MYBPC3: variants seen among roughly 807,000 people sequenced by gnomAD.
MYBPC3 encodes myosin binding protein C3.
Under a neutral mutation model 159.3 loss-of-function variants are expected in MYBPC3, and 108 were observed. That is an observed-to-expected ratio of 0.68 (90% confidence interval 0.58 to 0.80). MYBPC3 has a LOEUF of 0.80. Among genes scored for constraint, MYBPC3 ranks in the 30% least tolerant of loss-of-function variants. The pLI, the probability that MYBPC3 is intolerant of heterozygous loss-of-function variation, is 0.00. For missense variants in MYBPC3, 1,631 were observed against 1,762.1 expected, an observed-to-expected ratio of 0.93 and a Z score of 1.33; for synonymous variants, 730 against 702.0, an observed-to-expected ratio of 1.04 and a Z score of -0.63.
At chr11:47,350,163 A>C in intron 3 of MYBPC3, 51 bp from the exon 4 acceptor site, 2 of 1,523,988 alleles carry the variant, frequency 1.3e-6, no homozygotes, top group South Asian at 1.2e-5. Flanking sequence ...TTGCTCTGTC[A>C]CCCAGGCTGG....
At chr11:47,331,808 C>T in intron 34 of MYBPC3, 37 bp downstream of exon 34, 2 of 1,575,370 alleles carry the variant, frequency 1.3e-6, no homozygotes, top group Non-Finnish European at 1.7e-6. Context: ...CAGGGCTCAG[C>T]CACTGACTTG....
intron 3 of MYBPC3, 73 bp from the exon 4 acceptor site, chr11:47,350,185 A>C: frequency 6.9e-7 from 1 of 1,459,338 alleles, no homozygotes; most frequent in Non-Finnish European, 9.3e-7. Context: ...GTGCAGAGGC[A>C]CAATCTCGGC....
rs1393587768 is a variant in MYBPC3, at chr11:47,332,368, C to T, written c.3628-110G>A. ...CTACTCGGGGGGTCCCACGAGAGTCCCTGACTATGCCCAAGGCTGGAAACA... is the reference window on the plus strand; with the variant it reads ...CTACTCGGGGGGTCCCACGAGAGTCTCTGACTATGCCCAAGGCTGGAAACA... On this transcript the variant is annotated intron_variant, in intron 32 of 34. Transcript: ENST00000545968. The surrounding 1 kb of genome is among the most constrained non-coding windows in gnomAD (Gnocchi z 4.2). 2.1e-6 allele frequency: 3 copies of T among 1,440,876 alleles called. No homozygotes were observed. Among genetic ancestry groups the T allele is most frequent in the Admixed American group, 1.8e-5 (1 of 55,700 alleles). 89.3% of individuals were successfully genotyped at this position (1,440,876 alleles called of 1,614,324 possible).
intron 22 of MYBPC3, 71 bp downstream of exon 22, chr11:47,339,253 G>A (rs1347179882): frequency 1.9e-6 from 3 of 1,553,280 alleles, no homozygotes; most frequent in Non-Finnish European, 2.7e-6. Context: ...ACCTCGCCAA[G>A]GGCTCGGCAC....
intron 9 of MYBPC3, 171 bp from the exon 10 acceptor site, chr11:47,347,200 G>T: frequency 1.0e-6 from 1 of 985,274 alleles, no homozygotes; most frequent in Non-Finnish European, 1.2e-6. Context: ...GCAGCCTCAA[G>T]TGTGGAGTGG....
Position 47,342,122 on chromosome 11 carries a change from G to A in MYBPC3, c.1659C>T (p.Asp553=), listed in dbSNP as rs2095889272. 6.2e-7 allele frequency: 1 copy of A among 1,613,910 alleles called. No individual in the cohort carries two copies. The highest frequency in any genetic ancestry group is 8.5e-7 in the Non-Finnish European group (1 of 1,179,898). The change falls in exon 18 of 35, where the codon GAC becomes GAT. Residue 553 remains aspartate, a synonymous_variant. Transcript: ENST00000545968. ...CCTGGTCCTTTGCGCCCACCATCAG[G>A]TCTGCGATGCTCTGGTACACCTCCA... is the stretch of plus-strand genomic sequence containing the variant. The part of the protein sequence containing the change: ...KKLEVYQSIA[D]LMVGAKDQAV...
At chr11:47,339,476 C>T in intron 21 of MYBPC3, 72 bp from the exon 22 acceptor site, 3 of 1,542,296 alleles carry the variant, frequency 1.9e-6, no homozygotes, top group African/African-American at 1.4e-5. Flanking sequence ...TCTGCTGCTT[C>T]TTCCACCCCC....
intron 18 of MYBPC3, 91 bp from the exon 19 acceptor site, chr11:47,341,335 C>T (rs1595845669): frequency 1.1e-6 from 1 of 947,694 alleles, no homozygotes; most frequent in Admixed American, 2.7e-5. Flanking sequence ...GAGGCCCTCA[C>T]CTTGTCCTGG....
chr11:47,339,206 A>G (rs905965154), intron 22 of MYBPC3, 118 bp downstream of exon 22: 1 of 1,089,336 alleles, frequency 9.2e-7, no homozygotes, highest in Non-Finnish European at 1.4e-6. Flanking sequence ...TGCTGGGGGC[A>G]GCAACACACC....
rs1471092101 is a variant in MYBPC3 at position 47,348,284 on chromosome 11, C to T, written c.772+140G>A. The T allele has an allele frequency of 2.1e-5, 14 of 674,390 alleles. 1 individual carries two copies. The South Asian group carries it at 2.7e-4, about 13-fold the overall frequency. 41.8% of individuals were successfully genotyped at this position (674,390 alleles called of 1,614,324 possible). ...CAAGCCTTGGGGTTTCTCTCACACC[C>T]TGTGTGTGCAGCACTGGGCACGTGG... On this transcript the variant is annotated intron_variant, in intron 6 of 34. Transcript: ENST00000545968.
chr11:47,337,803 G>T lies in MYBPC3; in HGVS notation c.2309-9C>A, dbSNP rs730880528. The stretch of plus-strand genomic sequence containing the variant: ...AGGTGCGTCTGGCACGTCTGGATGG[G>T]GTGGGATGGACCCACATCAGCCCTG... On this transcript the variant is annotated splice_polypyrimidine_tract_variant and intron_variant, in intron 23 of 34. Coordinates refer to ENST00000545968, the MANE Select transcript of MYBPC3 (RefSeq NM_000256.3). 1 of 1,549,910 alleles carries T rather than the reference G, an allele frequency of 6.5e-7. No individual in the cohort carries two copies.
In MYBPC3 at chr11:47,350,536, G is replaced by A. The variant is rs11570046; in HGVS notation, c.372C>T (p.Ala124=). The A allele has an allele frequency of 3.7e-5, 58 of 1,557,724 alleles. No individual in the cohort carries two copies. The highest frequency in any genetic ancestry group is 1.9e-4 in the South Asian group (16 of 83,358). The change falls in exon 3 of 35, where the codon GCC becomes GCT. Residue 124 remains alanine (A), a synonymous_variant. Coordinates refer to ENST00000545968, the MANE Select transcript of MYBPC3 (RefSeq NM_000256.3). ...TTGGGGCACTTTCTCCCAGCTCAGC[G>A]GCTGGGGCCGGGGCTTCTCCAGGGG... ...TGAPGEAPAP[A]AELGESAPSP...
chr11:47,332,561 C>T lies in MYBPC3; in HGVS notation c.3627+5G>A. ...CGGCCTGGACCAGCGCCTAAAGTTC[C>T]CTACCTTGGGGCTACCCCGGACAGC... is the stretch of plus-strand genomic sequence containing the variant. On this transcript the variant is annotated splice_donor_5th_base_variant and intron_variant, in intron 32 of 34. Coordinates refer to ENST00000545968, the MANE Select transcript of MYBPC3 (RefSeq NM_000256.3). This position sits in a 1 kb window ranked among gnomAD's most constrained non-coding sequence, Gnocchi z 4.2. The T allele has an allele frequency of 6.2e-7, 1 of 1,603,510 alleles. No individual in the cohort carries two copies. The highest frequency in any genetic ancestry group is 8.5e-7 in the Non-Finnish European group (1 of 1,172,144).
Position 47,332,192 on chromosome 11 carries a change from T to G in MYBPC3, c.3694A>C (p.Lys1232Gln). The stretch of plus-strand genomic sequence containing the variant: ...ATCTCCAGAGTCAACACTCCCTGCT[T>G]GCTGAACATGCGGAAGCGGGCGTCT... ...GEDARFRMFSKQGVLTLEIRK... is the reference protein window; with the variant it reads ...GEDARFRMFSQQGVLTLEIRK... Residue 1232 changes from lysine (K) to glutamine (Q), a missense_variant, in exon 33 of 35, where the codon AAG becomes CAG. Transcript: ENST00000545968. This position sits in a 1 kb window ranked among gnomAD's most constrained non-coding sequence, Gnocchi z 4.2. 6.2e-7 allele frequency: 1 copy of G among 1,613,862 alleles called. No individual in the cohort carries two copies. The highest frequency in any genetic ancestry group is 1.3e-5 in the African/African-American group (1 of 75,060).
In MYBPC3 at chr11:47,339,711, C is replaced by T; in HGVS notation, c.2007G>A (p.Leu669=). 1 of 1,613,862 alleles carries T rather than the reference C, an allele frequency of 6.2e-7. No individual in the cohort carries two copies. Among genetic ancestry groups the T allele is most frequent in the Non-Finnish European group, 8.5e-7 (1 of 1,179,782 alleles). ...IVVVAGNKLR[L]DVPISGDPAP... is the part of the protein sequence containing the mutation. ...CAGGGTCCCCAGAGATAGGGACGTC[C>T]AGACGTAGCTTATTTCCAGCTACAA... The change falls in exon 21 of 35, where the codon CTG becomes CTA. Residue 669 remains leucine, a synonymous_variant. Transcript: ENST00000545968.
In MYBPC3 at chr11:47,348,049, CTTCCCAGCCT is replaced by C. The variant is rs138461443; in HGVS notation, c.773-154_773-145del. On this transcript the variant is annotated intron_variant, in intron 6 of 34. Coordinates refer to ENST00000545968, the MANE Select transcript of MYBPC3 (RefSeq NM_000256.3). ...CTGGGCATCTGCCCCAGGATCTCAC[CTTCCCAGCCT>C]TTCCCAGGGTCAAGGTACCAGGCAG... 1,597 of 811,814 alleles carry C rather than the reference CTTCCCAGCCT, an allele frequency of 2.0e-3. 3 individuals carry two copies. Among genetic ancestry groups the C allele is most frequent in the Non-Finnish European group, 2.6e-3 (1,324 of 501,216 alleles). 50.3% of individuals were successfully genotyped at this position (811,814 alleles called of 1,614,324 possible). A position where few individuals can be genotyped will look rare whatever the true frequency, so the allele number is the denominator to read the frequency against.
intron 12 of MYBPC3, among the ~76,000 whole-genome samples, chr11:47,345,115 TG>T (rs2095892877): frequency 2.0e-5 from 3 of 152,226 alleles, no homozygotes; most frequent in Admixed American, 2.0e-4. Context: ...TTACTGTTGT[TG>T]CTATTCCTGG....
chr11:47,333,544 C>T lies in MYBPC3; in HGVS notation c.3190+13G>A. ...GGGAAACAAGGGGGCTCAAGGAGGC[C>T]TTGGCCACGCACCAACAACCTGCAG... On this transcript the variant is annotated intron_variant, in intron 29 of 34. Transcript: ENST00000545968. 6.3e-7 allele frequency: 1 copy of T among 1,599,618 alleles called. No individual in the cohort carries two copies. Among genetic ancestry groups the T allele is most frequent in the Non-Finnish European group, 8.5e-7 (1 of 1,179,678 alleles).
At chr11:47,335,447 C>A (rs1478273903) in intron 26 of MYBPC3, 1 of 353,776 alleles carries the variant, frequency 2.8e-6, no homozygotes, top group Non-Finnish European at 5.0e-6. Flanking sequence ...CCTGCCTCAG[C>A]CTCCCGCGTA....
Sources: gnomAD v4.1 joint callset for allele counts (sites outside exome capture counted in the v4.1 genomes callset) on GRCh38, gnomAD v4.1.1 for gene constraint, Gnocchi (gnomAD v3.1) non-coding constraint, MANE v1.5 for transcripts, NCBI Gene and HGNC (gene_info 2026-07-23, HGNC 2026-07-21) for gene names.